DLC1: variants seen among roughly 807,000 people sequenced by gnomAD.
DLC1 encodes rho GTPase-activating protein 7.
DLC1 carries 54 observed loss-of-function variants against 140.3 expected under a neutral mutation model. The ratio of observed to expected loss-of-function variants is 0.38; its 90% CI spans 0.31 to 0.48. The LOEUF (loss-of-function observed/expected upper bound fraction) is 0.48. DLC1 is among the 20% of genes least tolerant of loss of function. DLC1 has a pLI of 0.96. For missense variants in DLC1, 2,536 were observed against 1,907.0 expected, an observed-to-expected ratio of 1.33 and a Z score of -6.14; for synonymous variants, 986 against 728.1, an observed-to-expected ratio of 1.35 and a Z score of -5.70.
intron 2 of DLC1, among the ~76,000 whole-genome samples, chr8:13,462,404 T>C (rs1335866846): frequency 6.7e-6 from 1 of 150,182 alleles, no homozygotes; most frequent in Non-Finnish European, 1.5e-5. Context: ...TTCTTTTTTT[T>C]TTTTTTTTTT....
intron 2 of DLC1, among the ~76,000 whole-genome samples, chr8:13,406,442 A>C (rs574654893): frequency 1.3e-5 from 2 of 152,158 alleles, no homozygotes; most frequent in Non-Finnish European, 2.9e-5. Context: ...ATTTTAAAAA[A>C]GTTTATAGTG....
At chr8:13,568,523 A>G (rs1201736726) in intron 1 of DLC1, among the ~76,000 whole-genome samples, 1 of 152,162 alleles carries the variant, frequency 6.6e-6, no homozygotes, top group Non-Finnish European at 1.5e-5. Context: ...GACTGGGGGA[A>G]GGGTGGGGAT....
At chr8:13,319,819 C>CTATTTTT (rs547737556) in intron 4 of DLC1, among the ~76,000 whole-genome samples, 1 of 76,150 alleles carries the variant, frequency 1.3e-5, no homozygotes, top group Non-Finnish European at 2.3e-5. Context: ...TTCTCTCTCT[C>CTATTTTT]TCTTTTTTTT....
At chr8:13,258,471 T>C (rs904669214) in intron 5 of DLC1, among the ~76,000 whole-genome samples, 1 of 152,240 alleles carries the variant, frequency 6.6e-6, no homozygotes, top group Non-Finnish European at 1.5e-5. Context: ...AATATCTGCT[T>C]CCTGATTTTC....
At chr8:13,399,623 C>T (rs1489636161) in intron 3 of DLC1, among the ~76,000 whole-genome samples, 2 of 152,138 alleles carry the variant, frequency 1.3e-5, no homozygotes, top group Non-Finnish European at 2.9e-5. Context: ...TGGGTAAAAC[C>T]AGGCTTGCAA....
intron 2 of DLC1, among the ~76,000 whole-genome samples, chr8:13,477,032 G>A (rs1371884957): frequency 6.6e-6 from 1 of 152,134 alleles, no homozygotes; most frequent in African/African-American, 2.4e-5. Context: ...TTGTGGCTTA[G>A]GGAATATGGA....
intron 5 of DLC1, among the ~76,000 whole-genome samples, chr8:13,166,610 G>A (rs762484430): frequency 5.9e-5 from 9 of 152,216 alleles, no homozygotes; most frequent in Non-Finnish European, 8.8e-5. Context: ...TGGAATTAGA[G>A]GCATAAGCCG....
chr8:13,172,509 A>C (rs1825539539), intron 5 of DLC1, among the ~76,000 whole-genome samples: 2 of 152,236 alleles, frequency 1.3e-5, no homozygotes, highest in African/African-American at 4.8e-5. Context: ...GGCTTGGAAC[A>C]TAGCAACCCC....
At chr8:13,161,562 C>T (rs998322294) in intron 5 of DLC1, among the ~76,000 whole-genome samples, 6 of 152,144 alleles carry the variant, frequency 3.9e-5, no homozygotes, top group African/African-American at 1.4e-4. Context: ...GTCTTGAATT[C>T]TTGGCCTCAA....
chr8:13,369,257 G>C (rs768803500), intron 4 of DLC1, among the ~76,000 whole-genome samples: 3 of 148,744 alleles, frequency 2.0e-5, no homozygotes, highest in Non-Finnish European at 1.5e-5. Flanking sequence ...GAGTGGAGTT[G>C]TTGAATTTGG....
rs141137539 is a variant in DLC1 at position 13,265,007 on chromosome 8, G to C, written c.1348+40262C>G. 4.5e-3 allele frequency among the ~76,000 whole-genome samples: 687 copies of C among 152,264 alleles called. 9 individuals carry two copies. Among genetic ancestry groups the C allele is most frequent in the African/African-American group, 0.016 (661 of 41,554 alleles). Reference sequence around the variant, plus strand: ...AACAGAGATTACCTACTCTTCAAAAGTTATTAAAAGCACTTGGCTTCTGAC... The same window carrying C: ...AACAGAGATTACCTACTCTTCAAAACTTATTAAAAGCACTTGGCTTCTGAC... On this transcript the variant is annotated intron_variant, in intron 5 of 17. Coordinates refer to ENST00000276297, the MANE Select transcript of DLC1 (RefSeq NM_182643.3).
At chr8:13,567,967 T>A (rs1196830215) in intron 1 of DLC1, 1 of 1,513,792 alleles carries the variant, frequency 6.6e-7, no homozygotes, top group East Asian at 2.5e-5. Flanking sequence ...ATAGATGTCT[T>A]TGTTGTGTAT....
At position 13,539,092 on chromosome 8, in the gene DLC1, C is replaced by G. The variant is rs139904273; in HGVS notation, c.-125-38896G>C. Among the ~76,000 whole-genome samples the G allele has an allele frequency of 3.6e-3, 555 of 152,180 alleles. 4 individuals carry two copies. The highest frequency in any genetic ancestry group is 0.013 in the African/African-American group (528 of 41,502). Reference sequence around the variant, plus strand: ...ATTATTTTGAATAATTTCACATTCTCCTATCACATTTGGTCATAATCACTT... The same window carrying G: ...ATTATTTTGAATAATTTCACATTCTGCTATCACATTTGGTCATAATCACTT... On this transcript the variant is annotated intron_variant, in intron 1 of 1. Coordinates refer to the DLC1 transcript ENST00000631382.
intron 3 of DLC1, among the ~76,000 whole-genome samples, chr8:13,394,180 A>G (rs1836908094): frequency 6.6e-6 from 1 of 152,328 alleles, no homozygotes; most frequent in Middle Eastern, 3.4e-3. Context: ...CTATGGTGAC[A>G]GCTATTACGG....
chr8:13,120,902 C>A (rs1472915581), intron 5 of DLC1, among the ~76,000 whole-genome samples: 2 of 152,092 alleles, frequency 1.3e-5, no homozygotes, highest in Non-Finnish European at 2.9e-5. Context: ...AAACTCCCCA[C>A]CCCCAGCATC....
intron 4 of DLC1, among the ~76,000 whole-genome samples, chr8:13,360,020 A>G (rs765066235): frequency 1.3e-5 from 2 of 152,206 alleles, no homozygotes; most frequent in African/African-American, 2.4e-5. Flanking sequence ...TGGATTCCGC[A>G]TTATAGTATT....
At chr8:13,527,590 A>ATCCATTATG (rs1439946891) in intron 1 of DLC1, among the ~76,000 whole-genome samples, 1 of 152,106 alleles carries the variant, frequency 6.6e-6, no homozygotes, top group Non-Finnish European at 1.5e-5. Flanking sequence ...TTATGGTTGG[A>ATCCATTATG]GAACCTACTA....
rs775775345 is a variant in DLC1 at position 13,135,476 on chromosome 8, C to T, written c.1349-19819G>A. 3.9e-5 allele frequency among the ~76,000 whole-genome samples: 6 copies of T among 152,032 alleles called. No homozygotes were observed. In the East Asian group the frequency reaches 7.7e-4, roughly 20 times the overall value. ...GATAACAGGCGTGAGCCACCGCGCC[C>T]GGTCGAGAAGCCATTTTAATGGAAG... is the stretch of plus-strand genomic sequence containing the variant. On this transcript the variant is annotated intron_variant, in intron 5 of 17. Coordinates refer to ENST00000276297, the MANE Select transcript of DLC1 (RefSeq NM_182643.3).
chr8:13,338,231 G>C (rs990617421), intron 4 of DLC1, among the ~76,000 whole-genome samples: 1 of 151,982 alleles, frequency 6.6e-6, no homozygotes, highest in Non-Finnish European at 1.5e-5. Context: ...CCAGTCACAG[G>C]TTTGTGGGAA....
Sources: allele counts gnomAD v4.1 joint callset (sites outside exome capture counted in the v4.1 genomes callset), GRCh38; gene constraint gnomAD v4.1.1; transcripts MANE v1.5; gene names NCBI Gene and HGNC (gene_info 2026-07-23, HGNC 2026-07-21).